Variants in AKAP19 observed in about 807,000 individuals in gnomAD.
AKAP19 encodes A-kinase anchoring protein 19.
At chr2:190,103,816 C>G in the AKAP19 span, among the ~76,000 whole-genome samples, 3 of 152,214 alleles carry the variant, frequency 2.0e-5, no homozygotes, top group Non-Finnish European at 2.9e-5. Flanking sequence ...TCATTTTTCA[C>G]AGAATTAGAA....
At chr2:190,180,045 C>G in the AKAP19 span, among the ~76,000 whole-genome samples, 1 of 152,166 alleles carries the variant, frequency 6.6e-6, no homozygotes, top group Admixed American at 6.5e-5. The surrounding 1 kb of genome is among the most constrained non-coding windows in gnomAD (Gnocchi z 6.8). Context: ...TTTAGAGATA[C>G]TTTGTTTGAA....
the AKAP19 span, among the ~76,000 whole-genome samples, chr2:190,024,365 CAT>C: frequency 9.6e-3 from 1,401 of 146,612 alleles, 14 homozygotes; most frequent in African/African-American, 0.033. Context: ...TCTATACACA[CAT>C]ATATATGTGT....
At chr2:189,999,084 T>G in the AKAP19 span, among the ~76,000 whole-genome samples, 65 of 152,192 alleles carry the variant, frequency 4.3e-4, no homozygotes, top group Admixed American at 3.4e-3. Context: ...TTTTTTCTTT[T>G]ATTGACTTCT....
At chr2:190,141,683 G>A in the AKAP19 span, among the ~76,000 whole-genome samples, 1 of 152,148 alleles carries the variant, frequency 6.6e-6, no homozygotes, top group Non-Finnish European at 1.5e-5. Flanking sequence ...AGGGATTATG[G>A]GAACTACAAT....
chr2:189,997,386 A>G, the AKAP19 span, among the ~76,000 whole-genome samples: 5 of 152,172 alleles, frequency 3.3e-5, 1 homozygote, highest in Admixed American at 2.0e-4. Context: ...TGGGGCAGGT[A>G]GAGAAATACC....
At chr2:190,100,608 T>C in the AKAP19 span, among the ~76,000 whole-genome samples, 1 of 152,118 alleles carries the variant, frequency 6.6e-6, no homozygotes, top group Non-Finnish European at 1.5e-5. Flanking sequence ...CTGACAGAAA[T>C]ATTTACAAAG....
chr2:190,158,631 A>T, the AKAP19 span, among the ~76,000 whole-genome samples: 347 of 152,180 alleles, frequency 2.3e-3, 1 homozygote, highest in Middle Eastern at 0.027. Flanking sequence ...CATTTAAGAG[A>T]TTTTTTTCTT....
chr2:190,097,269 A>T, the AKAP19 span, among the ~76,000 whole-genome samples: 1 of 150,014 alleles, frequency 6.7e-6, no homozygotes, highest in African/African-American at 2.5e-5. Flanking sequence ...GTTTCCCGCC[A>T]TGTGTCTATA....
chr2:190,115,051 C>G, the AKAP19 span, among the ~76,000 whole-genome samples: 1 of 150,016 alleles, frequency 6.7e-6, no homozygotes, highest in African/African-American at 2.5e-5. Flanking sequence ...ATAATCTACT[C>G]CCTTGGTTAA....
the AKAP19 span, among the ~76,000 whole-genome samples, chr2:190,070,871 G>A: frequency 2.0e-5 from 3 of 152,264 alleles, 1 homozygote; most frequent in East Asian, 5.8e-4. Flanking sequence ...GTATGGTATA[G>A]TAAGGACCCT....
chr2:190,168,608 C>G, the AKAP19 span, among the ~76,000 whole-genome samples: 10 of 152,180 alleles, frequency 6.6e-5, no homozygotes, highest in African/African-American at 1.9e-4. Flanking sequence ...TTAACAGCAC[C>G]CAAGTCACCT....
the AKAP19 span, among the ~76,000 whole-genome samples, chr2:190,098,370 C>A: frequency 6.6e-6 from 1 of 152,146 alleles, no homozygotes; most frequent in African/African-American, 2.4e-5. Flanking sequence ...AAGATGTACA[C>A]CAATGCTCTG....
At chr2:190,069,636 A>G in the AKAP19 span, among the ~76,000 whole-genome samples, 1 of 152,186 alleles carries the variant, frequency 6.6e-6, no homozygotes, top group Non-Finnish European at 1.5e-5. Context: ...AGTTTTCCAT[A>G]ATTCACAGAG....
the AKAP19 span, among the ~76,000 whole-genome samples, chr2:189,907,784 T>G: frequency 1.3e-5 from 2 of 152,116 alleles, no homozygotes; most frequent in Non-Finnish European, 2.9e-5. Flanking sequence ...ACCTAAAACT[T>G]TAATACATTA....
chr2:189,974,964 C>A, the AKAP19 span, among the ~76,000 whole-genome samples: 3 of 152,128 alleles, frequency 2.0e-5, no homozygotes, highest in South Asian at 6.2e-4. Context: ...TTAATTGGAG[C>A]ATTTAGCCCA....
chr2:190,017,796 TCAGCTTA>T, the AKAP19 span, among the ~76,000 whole-genome samples: 1 of 152,200 alleles, frequency 6.6e-6, no homozygotes, highest in Admixed American at 6.5e-5. Flanking sequence ...GCATTTTGAT[TCAGCTTA>T]AAGAATTTTT....
the AKAP19 span, among the ~76,000 whole-genome samples, chr2:190,147,983 G>T: frequency 1.3e-5 from 2 of 152,064 alleles, no homozygotes; most frequent in Non-Finnish European, 2.9e-5. Flanking sequence ...CTTTACCAAC[G>T]TGGATGCCCT....
the AKAP19 span, among the ~76,000 whole-genome samples, chr2:190,046,419 C>A: frequency 1.3e-5 from 2 of 152,196 alleles, no homozygotes; most frequent in Admixed American, 1.3e-4. Context: ...ACCTTTATCA[C>A]TTCTCCCCTT....
At chr2:190,060,322 C>T in the AKAP19 span, 18 of 1,612,752 alleles carry the variant, frequency 1.1e-5, no homozygotes, top group East Asian at 2.2e-5. Flanking sequence ...GGAGTCTCGA[C>T]GGGTCTCAAA....
Sources: gnomAD v4.1 joint callset for allele counts (sites outside exome capture counted in the v4.1 genomes callset) on GRCh38, gnomAD v4.1.1 for gene constraint, Gnocchi (gnomAD v3.1) non-coding constraint, MANE v1.5 for transcripts, NCBI Gene and HGNC (gene_info 2026-07-23, HGNC 2026-07-21) for gene names.